The following LIPC variants were observed in gnomAD, a reference collection of about 807,000 sequenced individuals.
The protein encoded by LIPC is lipase C, hepatic type.
In LIPC, 44 loss-of-function variants were observed where a neutral mutation model predicts 50.7. The observed-to-expected ratio is 0.87, with a 90% CI of 0.68 to 1.11. The LOEUF is 1.11. LIPC is among the 50% of genes most tolerant of loss of function. The pLI is 0.00. For synonymous variants in LIPC, 271 were observed against 256.4 expected, an observed-to-expected ratio of 1.06 and a Z score of -0.54; for missense variants, 697 against 648.2, an observed-to-expected ratio of 1.08 and a Z score of -0.82.
chr15:58,439,905 G>A (rs1368811744), intron 1 of LIPC, among the ~76,000 whole-genome samples: 8 of 152,006 alleles, frequency 5.3e-5, no homozygotes. Flanking sequence ...ACCAAGACTT[G>A]AAACTAGGTT....
Position 58,542,533 on chromosome 15 carries a change from G to C in LIPC, c.457-1G>C. On this transcript the variant is annotated splice_acceptor_variant, in intron 3 of 8. Coordinates refer to ENST00000299022, the MANE Select transcript of LIPC (RefSeq NM_000236.3). LOFTEE classifies it high-confidence loss of function. ...GCCCCCATCCCGCTGCTGTCTTCCA[G>C]GAATCTGTGCAACTCTCTCGAAGCC... is the stretch of plus-strand genomic sequence containing the variant. 1.2e-6 allele frequency: 2 copies of C among 1,601,476 alleles called. No homozygotes were observed. The highest frequency in any genetic ancestry group is 2.2e-5 in the South Asian group (2 of 90,836).
intron 1 of LIPC, among the ~76,000 whole-genome samples, chr15:58,503,624 T>C (rs1235335565): frequency 6.6e-6 from 1 of 152,130 alleles, no homozygotes; most frequent in Non-Finnish European, 1.5e-5. Context: ...ACCAACTCAC[T>C]CCAGGGAATG....
chr15:58,432,150 G>A lies in LIPC; in HGVS notation c.88+30G>A, dbSNP rs377671394. On this transcript the variant is annotated intron_variant, in intron 1 of 8. Coordinates refer to ENST00000299022, the MANE Select transcript of LIPC (RefSeq NM_000236.3). The stretch of plus-strand genomic sequence containing the variant: ...GAGCCTGACTTTTCTCCAGAGATGG[G>A]CATGAACTTTTCTTTTTAAAACGTG... 2.0e-4 allele frequency: 302 copies of A among 1,480,098 alleles called. 1 individual carries two copies. The highest frequency in any genetic ancestry group is 2.8e-4 in the Non-Finnish European group (295 of 1,057,820). 91.7% of individuals were successfully genotyped at this position (1,480,098 alleles called of 1,614,324 possible). A position where few individuals can be genotyped will look rare whatever the true frequency, so the allele number is the denominator to read the frequency against.
chr15:58,432,450 A>G, intron 1 of LIPC: 1 of 347,164 alleles, frequency 2.9e-6, no homozygotes, highest in Non-Finnish European at 5.5e-6. Context: ...CCTGAGAGTT[A>G]ATGTGGCATC....
At chr15:58,536,486 G>C (rs547447015) in intron 1 of LIPC, among the ~76,000 whole-genome samples, 43 of 152,314 alleles carry the variant, frequency 2.8e-4, no homozygotes, top group Admixed American at 3.3e-4. Flanking sequence ...AACCAAGCAA[G>C]ACACAGTGTG....
At chr15:58,446,002 T>C (rs559450650) in intron 1 of LIPC, among the ~76,000 whole-genome samples, 4 of 152,324 alleles carry the variant, frequency 2.6e-5, no homozygotes, top group African/African-American at 9.6e-5. Flanking sequence ...ATACAATGAA[T>C]TTCCATATTC....
intron 1 of LIPC, chr15:58,436,653 T>C (rs1893308056): frequency 2.2e-6 from 1 of 451,194 alleles, no homozygotes; most frequent in African/African-American, 2.0e-5. Context: ...GGTATACCAC[T>C]GAGTCACATA....
chr15:58,460,535 C>A (rs934297), intron 1 of LIPC, among the ~76,000 whole-genome samples: 71,641 of 152,004 alleles, frequency 0.47, 17,158 homozygotes, highest in South Asian at 0.52. Context: ...ACGTCTTCCA[C>A]CCTCACTCTC....
chr15:58,533,099 C>T, intron 1 of LIPC: 5 of 918,536 alleles, frequency 5.4e-6, no homozygotes, highest in Non-Finnish European at 6.5e-6. Context: ...TAATATTCCT[C>T]CTCCTAAAAC....
chr15:58,547,583 A>G (rs998874677), intron 5 of LIPC, among the ~76,000 whole-genome samples: 19 of 152,060 alleles, frequency 1.2e-4, no homozygotes, highest in Non-Finnish European at 2.6e-4. Flanking sequence ...TGGTTCCTCA[A>G]CATCCCTTGA....
chr15:58,545,675 C>G (rs1893499027), intron 4 of LIPC, 67 bp from the exon 5 acceptor site: 4 of 1,349,700 alleles, frequency 3.0e-6, no homozygotes, highest in Non-Finnish European at 4.2e-6. Flanking sequence ...TATCCAAAAG[C>G]TAAAAAGCAC....
intron 1 of LIPC, among the ~76,000 whole-genome samples, chr15:58,496,846 G>C (rs887567694): frequency 6.6e-6 from 1 of 151,594 alleles, no homozygotes; most frequent in Non-Finnish European, 1.5e-5. Flanking sequence ...CACTGCACCC[G>C]GCTCATTTTT....
intron 1 of LIPC, among the ~76,000 whole-genome samples, chr15:58,445,422 C>T (rs1182302542): frequency 6.6e-6 from 1 of 152,198 alleles, no homozygotes; most frequent in Admixed American, 6.5e-5. Context: ...GGGCCAAGGC[C>T]GGCTGCCACT....
At chr15:58,437,431 A>T (rs1269420418) in intron 1 of LIPC, among the ~76,000 whole-genome samples, 1 of 152,242 alleles carries the variant, frequency 6.6e-6, no homozygotes, top group Admixed American at 6.5e-5. Context: ...AATCATAATT[A>T]TGAAAACACT....
intron 1 of LIPC, among the ~76,000 whole-genome samples, chr15:58,465,201 A>T (rs1000923152): frequency 1.3e-5 from 2 of 151,630 alleles, no homozygotes; most frequent in Admixed American, 6.6e-5. Context: ...TGTCCATGTC[A>T]CCCCCCTTCT....
At chr15:58,449,503 G>A (rs974418923) in intron 1 of LIPC, among the ~76,000 whole-genome samples, 2 of 151,862 alleles carry the variant, frequency 1.3e-5, no homozygotes, top group African/African-American at 4.8e-5. Context: ...GATAAATGTG[G>A]CTTTGTAATC....
intron 2 of LIPC, among the ~76,000 whole-genome samples, chr15:58,541,274 C>A (rs1003949217): frequency 6.6e-6 from 1 of 152,048 alleles, no homozygotes; most frequent in Non-Finnish European, 1.5e-5. Context: ...GCTCACAGTG[C>A]CCATCCCGCT....
At chr15:58,529,450 G>T (rs1278347552) in intron 1 of LIPC, among the ~76,000 whole-genome samples, 1 of 152,238 alleles carries the variant, frequency 6.6e-6, no homozygotes, top group African/African-American at 2.4e-5. Context: ...TGAAGGTCAT[G>T]GGACTCTGTT....
intron 1 of LIPC, among the ~76,000 whole-genome samples, chr15:58,485,790 G>A (rs1891353939): frequency 6.6e-6 from 1 of 152,264 alleles, no homozygotes; most frequent in Non-Finnish European, 1.5e-5. Flanking sequence ...CACACTGAGG[G>A]AGAGGTGGGC....
Sources: allele counts gnomAD v4.1 joint callset (sites outside exome capture counted in the v4.1 genomes callset), GRCh38; gene constraint gnomAD v4.1.1; transcripts MANE v1.5; gene names NCBI Gene and HGNC (gene_info 2026-07-23, HGNC 2026-07-21).